Variants in DCUN1D4 observed in about 807,000 individuals in gnomAD.
The protein encoded by DCUN1D4 is defective in cullin neddylation 1 domain containing 4.
Under a neutral mutation model 47.9 loss-of-function variants are expected in DCUN1D4, and 22 were observed. That is an observed-to-expected ratio of 0.46 (90% confidence interval 0.33 to 0.66). DCUN1D4 has a LOEUF of 0.66. DCUN1D4 is among the 30% of genes least tolerant of loss of function. The probability of loss-of-function intolerance (pLI) is 0.02; values close to 1 mark genes in which losing one functional copy is unlikely to be tolerated. For missense variants in DCUN1D4, 301 were observed against 340.8 expected, an observed-to-expected ratio of 0.88 and a Z score of 0.92; for synonymous variants, 121 against 112.2, an observed-to-expected ratio of 1.08 and a Z score of -0.50.
At chr4:51,913,502 T>C in intron 10 of DCUN1D4, 27 bp from the exon 11 acceptor site, 1 of 1,599,990 alleles carries the variant, frequency 6.3e-7, no homozygotes, top group Non-Finnish European at 8.6e-7. Flanking sequence ...TTATTATTAT[T>C]ACTACTGTTT....
chr4:51,889,616 T>A (rs1730112745), intron 6 of DCUN1D4, among the ~76,000 whole-genome samples: 2 of 152,152 alleles, frequency 1.3e-5, no homozygotes, highest in Admixed American at 6.5e-5. Context: ...TTAACAAGTG[T>A]TTATGTAGAA....
chr4:51,898,401 A>G (rs1431335796), intron 7 of DCUN1D4, among the ~76,000 whole-genome samples: 2 of 152,170 alleles, frequency 1.3e-5, no homozygotes, highest in African/African-American at 4.8e-5. Context: ...CCTGGGTAGG[A>G]TGTTCATTGC....
Position 51,916,667 on chromosome 4 carries a change from CGTCA to C in DCUN1D4, c.*3086_*3089del, listed in dbSNP as rs1335272491. 2 of 152,486 alleles carry C rather than the reference CGTCA, an allele frequency of 1.3e-5. No individual in the cohort carries two copies. The highest frequency in any genetic ancestry group is 2.9e-5 in the Non-Finnish European group (2 of 68,000). The allele number at this position is 152,486 out of a possible 1,614,324, so 9.4% of individuals were successfully genotyped here. On this transcript the variant is annotated 3_prime_UTR_variant, in exon 11 of 11. Coordinates refer to ENST00000334635, the MANE Select transcript of DCUN1D4 (RefSeq NM_001040402.3). ...ACCTATAACTGTGAATGCTTCGTGT[CGTCA>C]GTATTTGCATTACATTCATAAAAGT...
chr4:51,871,254 AT>A (rs1726851155), intron 3 of DCUN1D4, among the ~76,000 whole-genome samples: 1 of 152,230 alleles, frequency 6.6e-6, no homozygotes, highest in South Asian at 2.1e-4. Context: ...AGAAAAAAGT[AT>A]TTGTGAAACT....
At chr4:51,882,735 C>G (rs1237686965) in intron 5 of DCUN1D4, among the ~76,000 whole-genome samples, 1 of 152,022 alleles carries the variant, frequency 6.6e-6, no homozygotes, top group East Asian at 1.9e-4. Context: ...CCACTGCACT[C>G]CAGCCTGGGC....
At chr4:51,888,177 A>T (rs1305489620) in intron 6 of DCUN1D4, among the ~76,000 whole-genome samples, 1 of 152,124 alleles carries the variant, frequency 6.6e-6, no homozygotes, top group African/African-American at 2.4e-5. Context: ...TACCGTAGTA[A>T]GTATATGACA....
intron 5 of DCUN1D4, among the ~76,000 whole-genome samples, chr4:51,885,509 TG>T (rs1222999314): frequency 4.0e-5 from 6 of 149,348 alleles, no homozygotes; most frequent in Non-Finnish European, 8.8e-5. Context: ...TGTTTGAAAA[TG>T]TGAAATGCGG....
At chr4:51,866,019 T>C (rs1227925132) in intron 3 of DCUN1D4, among the ~76,000 whole-genome samples, 1 of 152,106 alleles carries the variant, frequency 6.6e-6, no homozygotes, top group African/African-American at 2.4e-5. Flanking sequence ...CATTTCAGGC[T>C]CTCTGCTCAG....
chr4:51,895,598 T>C (rs1290890929), intron 7 of DCUN1D4, among the ~76,000 whole-genome samples: 1 of 149,218 alleles, frequency 6.7e-6, no homozygotes, highest in Non-Finnish European at 1.5e-5. Context: ...ACAGTGACAA[T>C]TGTTAATTAA....
At chr4:51,910,853 C>T (rs1053220881) in intron 8 of DCUN1D4, 1 of 551,656 alleles carries the variant, frequency 1.8e-6, no homozygotes, top group Admixed American at 3.7e-5. Flanking sequence ...TGACATAAAT[C>T]TTTCTCACAG....
chr4:51,910,144 G>A (rs1733507691), intron 8 of DCUN1D4, among the ~76,000 whole-genome samples: 1 of 152,146 alleles, frequency 6.6e-6, no homozygotes, highest in Non-Finnish European at 1.5e-5. Flanking sequence ...AATTTCCACT[G>A]TAGTTAAGAT....
the DCUN1D4 span, among the ~76,000 whole-genome samples, chr4:51,836,599 G>A: frequency 4.6e-5 from 7 of 152,126 alleles, no homozygotes; most frequent in Admixed American, 1.3e-4. Context: ...TGGCTGAGGC[G>A]GCTGTAACCC....
intron 8 of DCUN1D4, among the ~76,000 whole-genome samples, chr4:51,899,724 A>G (rs2110097045): frequency 6.6e-6 from 1 of 152,364 alleles, no homozygotes. Flanking sequence ...TGTTGAGTTT[A>G]CTAGAATAAG....
upstream of DCUN1D4, among the ~76,000 whole-genome samples, chr4:51,842,656 C>G (rs911544298): frequency 2.0e-5 from 3 of 152,242 alleles, no homozygotes; most frequent in African/African-American, 7.2e-5. Flanking sequence ...GAGACCCGGC[C>G]GCGTCGCGCC....
At chr4:51,838,972 G>A (rs1202748918), upstream of DCUN1D4, among the ~76,000 whole-genome samples, 1 of 152,092 alleles carries the variant, frequency 6.6e-6, no homozygotes, top group African/African-American at 2.4e-5. Flanking sequence ...CTACTTGAGA[G>A]GCTGAGGCAG....
chr4:51,880,440 G>A (rs1337230180), intron 5 of DCUN1D4, among the ~76,000 whole-genome samples: 1 of 152,152 alleles, frequency 6.6e-6, no homozygotes, highest in Non-Finnish European at 1.5e-5. Flanking sequence ...GGCCTGGTGT[G>A]TGATTATTTC....
rs1453509140 is a variant in DCUN1D4, at chr4:51,914,243, G to T, written c.*659G>T. The T allele has an allele frequency of 6.6e-6, 1 of 152,106 alleles. No individual in the cohort carries two copies. The highest frequency in any genetic ancestry group is 1.5e-5 in the Non-Finnish European group (1 of 68,010). The allele number at this position is 152,106 out of a possible 1,614,324, so 9.4% of individuals were successfully genotyped here. Reference sequence around the variant, plus strand: ...GTGTATAAGTTGTTTATTTTTTAGTGTTAAAACTATAATAGCTTGAATATA... The same window carrying T: ...GTGTATAAGTTGTTTATTTTTTAGTTTTAAAACTATAATAGCTTGAATATA... On this transcript the variant is annotated 3_prime_UTR_variant, in exon 11 of 11. Coordinates refer to ENST00000334635, the MANE Select transcript of DCUN1D4 (RefSeq NM_001040402.3).
chr4:51,849,169 GC>G (rs1722989865), intron 1 of DCUN1D4, among the ~76,000 whole-genome samples: 1 of 152,154 alleles, frequency 6.6e-6, no homozygotes, highest in Non-Finnish European at 1.5e-5. Flanking sequence ...ACCCTGGCAG[GC>G]AGATCTTCTC....
intron 5 of DCUN1D4, among the ~76,000 whole-genome samples, chr4:51,881,858 A>G (rs1048635213): frequency 6.6e-6 from 1 of 152,056 alleles, no homozygotes; most frequent in African/African-American, 2.4e-5. Flanking sequence ...AAATGTGTGC[A>G]TGGGAAAGAT....
Sources: allele counts gnomAD v4.1 joint callset (sites outside exome capture counted in the v4.1 genomes callset), GRCh38; gene constraint gnomAD v4.1.1; transcripts MANE v1.5; gene names NCBI Gene and HGNC (gene_info 2026-07-23, HGNC 2026-07-21).